The following PACRG variants were observed in gnomAD, a reference collection of about 807,000 sequenced individuals.
PACRG encodes the protein parkin coregulated.
A neutral mutation model predicts 29.7 loss-of-function variants in PACRG; 29 were observed. The ratio of observed to expected loss-of-function variants is 0.98; its 90% CI spans 0.73 to 1.33. The LOEUF (loss-of-function observed/expected upper bound fraction) is 1.33. Among genes scored for constraint, PACRG ranks in the 40% most tolerant of loss-of-function variants. The pLI, the probability that PACRG is intolerant of heterozygous loss-of-function variation, is 0.00. For missense variants in PACRG, 279 were observed against 316.2 expected (o/e 0.88, Z 0.89); for synonymous variants, 116 against 118.7 (o/e 0.98, Z 0.15).
At chr6:162,782,980 C>T (rs895160419) in intron 1 of PACRG, among the ~76,000 whole-genome samples, 13 of 151,922 alleles carry the variant, frequency 8.6e-5, no homozygotes, top group African/African-American at 2.9e-4. Flanking sequence ...AGAAGTCACA[C>T]AAAGCAGCAG....
At chr6:163,096,282 G>A (rs929205162) in intron 4 of PACRG, among the ~76,000 whole-genome samples, 3 of 152,256 alleles carry the variant, frequency 2.0e-5, no homozygotes, top group African/African-American at 4.8e-5. Context: ...GCCCAGTCTC[G>A]AGGGACCTGG....
At chr6:163,293,298 G>A (rs1173967210) in intron 4 of PACRG, among the ~76,000 whole-genome samples, 3 of 152,232 alleles carry the variant, frequency 2.0e-5, no homozygotes, top group African/African-American at 7.2e-5. Context: ...ATGTGCACGT[G>A]CCAGAGTAAG....
chr6:163,003,948 G>A (rs1164364184), intron 2 of PACRG, among the ~76,000 whole-genome samples: 2 of 152,126 alleles, frequency 1.3e-5, no homozygotes, highest in Non-Finnish European at 2.9e-5. Context: ...CACTATGCAT[G>A]CTCTTTCCAC....
intron 2 of PACRG, among the ~76,000 whole-genome samples, chr6:162,907,008 G>A (rs995491754): frequency 2.0e-5 from 3 of 152,160 alleles, no homozygotes; most frequent in Admixed American, 2.0e-4. Context: ...AAGGTTGCTA[G>A]GGTATTGAAA....
rs1779415689 is a variant in PACRG at position 162,728,093 on chromosome 6, G to A, written c.-143G>A. On this transcript the variant is annotated 5_prime_UTR_variant, in exon 1 of 5. Transcript: ENST00000366888. Reference sequence around the variant, plus strand: ...TCACCTAGGAGCTGCCAAACATCTGGATCAACCTGGGCACTACGAGGGGTT... The same window carrying A: ...TCACCTAGGAGCTGCCAAACATCTGAATCAACCTGGGCACTACGAGGGGTT... 1.7e-5 allele frequency: 17 copies of A among 1,020,850 alleles called. No individual in the cohort carries two copies. The East Asian group carries it at 3.8e-4, about 23-fold the overall frequency. 63.2% of individuals were successfully genotyped at this position (1,020,850 alleles called of 1,614,324 possible).
At chr6:162,868,093 A>G (rs541156185) in intron 2 of PACRG, among the ~76,000 whole-genome samples, 2 of 152,278 alleles carry the variant, frequency 1.3e-5, no homozygotes, top group Admixed American at 6.5e-5. Flanking sequence ...CTCTCACTGA[A>G]TAAGGAGAGG....
intron 3 of PACRG, among the ~76,000 whole-genome samples, chr6:163,086,089 C>A (rs574905249): frequency 6.1e-4 from 93 of 152,352 alleles, no homozygotes; most frequent in African/African-American, 2.1e-3. Flanking sequence ...GAAGCCTAAA[C>A]CCGTTGAGCA....
intron 2 of PACRG, among the ~76,000 whole-genome samples, chr6:162,981,305 A>ATATATATTTTTTTTTTTT (rs925663285): frequency 4.3e-4 from 64 of 149,158 alleles, no homozygotes; most frequent in African/African-American, 1.5e-3. Context: ...ATATATATAT[A>ATATATATTTTTTTTTTTT]TTTACAATGG....
intron 4 of PACRG, chr6:163,310,598 C>A (rs1456249176): frequency 2.0e-5 from 3 of 152,372 alleles, no homozygotes; most frequent in South Asian, 4.1e-4. Flanking sequence ...GTGGGAAGAC[C>A]TCGCTCTGGC....
At chr6:163,018,482 G>A (rs1308484186) in intron 2 of PACRG, among the ~76,000 whole-genome samples, 1 of 152,116 alleles carries the variant, frequency 6.6e-6, no homozygotes, top group East Asian at 1.9e-4. Flanking sequence ...ATTTGTTTGA[G>A]ACTTCATATT....
At chr6:162,730,137 T>C (rs1779648435) in intron 1 of PACRG, among the ~76,000 whole-genome samples, 1 of 144,076 alleles carries the variant, frequency 6.9e-6, no homozygotes, top group Non-Finnish European at 1.5e-5. Flanking sequence ...GCAAAGTCCC[T>C]GCCCTTAGTA....
chr6:162,984,518 C>A (rs1327367648), intron 2 of PACRG, among the ~76,000 whole-genome samples: 1 of 151,942 alleles, frequency 6.6e-6, no homozygotes, highest in Non-Finnish European at 1.5e-5. Flanking sequence ...ACTTCTTTTC[C>A]TTTGGATAGA....
intron 2 of PACRG, among the ~76,000 whole-genome samples, chr6:162,955,406 T>A (rs1335883187): frequency 6.6e-6 from 1 of 152,070 alleles, no homozygotes; most frequent in African/African-American, 2.4e-5. Flanking sequence ...TTCAAGCAAT[T>A]CTCCTGCCTC....
chr6:162,755,311 A>T, intron 1 of PACRG, among the ~76,000 whole-genome samples: 1 of 151,206 alleles, frequency 6.6e-6, no homozygotes, highest in African/African-American at 2.4e-5. Flanking sequence ...GATCTTTGTC[A>T]TTTTCTTTCT....
At chr6:163,036,552 T>C (rs143768383) in intron 2 of PACRG, among the ~76,000 whole-genome samples, 149 of 152,272 alleles carry the variant, frequency 9.8e-4, no homozygotes, top group African/African-American at 3.1e-3. Context: ...GATTGATGAG[T>C]GGGCAATTCA....
chr6:162,995,651 A>G (rs565383301), intron 2 of PACRG, among the ~76,000 whole-genome samples: 3 of 152,262 alleles, frequency 2.0e-5, no homozygotes, highest in Admixed American at 6.5e-5. Context: ...GGCACTCCCT[A>G]GTGAGATGAA....
chr6:162,838,296 G>T (rs1156567853), intron 2 of PACRG, among the ~76,000 whole-genome samples: 1 of 152,128 alleles, frequency 6.6e-6, no homozygotes, highest in Non-Finnish European at 1.5e-5. Context: ...GTCACTCAGG[G>T]ACCTAAGTTA....
chr6:163,156,068 C>T lies in PACRG; in HGVS notation c.613+66660C>T, dbSNP rs116995782. ...GCTCTCCTGAGGAAGCCCTCGCCGCCGTGTGCGGAAAGCTGCCTTGGGAAA... is the reference window on the plus strand; with the variant it reads ...GCTCTCCTGAGGAAGCCCTCGCCGCTGTGTGCGGAAAGCTGCCTTGGGAAA... On this transcript the variant is annotated intron_variant, in intron 4 of 4. Coordinates refer to ENST00000366888, the MANE Select transcript of PACRG (RefSeq NM_001080379.2). 8.1e-4 allele frequency among the ~76,000 whole-genome samples: 123 copies of T among 152,328 alleles called. No homozygotes were observed. In the East Asian group the frequency reaches 0.022, roughly 27 times the overall value.
At chr6:163,309,459 C>T (rs1045547407) in intron 4 of PACRG, among the ~76,000 whole-genome samples, 1 of 152,196 alleles carries the variant, frequency 6.6e-6, no homozygotes, top group East Asian at 1.9e-4. Context: ...ACAGTCAGTT[C>T]TACAGTCTAG....
Sources: allele counts gnomAD v4.1 joint callset (sites outside exome capture counted in the v4.1 genomes callset), GRCh38; gene constraint gnomAD v4.1.1; transcripts MANE v1.5; gene names NCBI Gene and HGNC (gene_info 2026-07-23, HGNC 2026-07-21).